LDLRAD3: variants seen among roughly 807,000 people sequenced by gnomAD.
The protein encoded by LDLRAD3 is low density lipoprotein receptor class A domain containing 3.
Under a neutral mutation model 29.4 loss-of-function variants are expected in LDLRAD3, and 20 were observed. The observed-to-expected ratio is 0.68, with a 90% CI of 0.48 to 0.99. The LOEUF is 0.99. LDLRAD3 is among the 50% of genes least tolerant of loss of function. The pLI is 0.00. For missense variants in LDLRAD3, 420 were observed against 454.3 expected (o/e 0.92, Z 0.69); for synonymous variants, 157 against 192.7 (o/e 0.81, Z 1.53).
At chr11:36,081,901 C>T in intron 3 of LDLRAD3, 123 bp downstream of exon 3, 1 of 1,159,636 alleles carries the variant, frequency 8.6e-7, no homozygotes, top group Non-Finnish European at 1.2e-6. Context: ...TCTTCTGTTA[C>T]CCAGATTCTG....
chr11:36,000,715 T>C (rs571264283), intron 1 of LDLRAD3, among the ~76,000 whole-genome samples: 20 of 152,226 alleles, frequency 1.3e-4, no homozygotes, highest in African/African-American at 4.6e-4. Context: ...GGTGGAACCT[T>C]GGTCATGCAG....
chr11:36,043,918 G>A (rs1176534110), intron 2 of LDLRAD3, among the ~76,000 whole-genome samples: 3 of 152,154 alleles, frequency 2.0e-5, no homozygotes, highest in Admixed American at 6.5e-5. Flanking sequence ...CTTTCACAGC[G>A]CTTACGGTGT....
At chr11:36,050,228 A>C (rs1433745187) in intron 2 of LDLRAD3, among the ~76,000 whole-genome samples, 1 of 152,204 alleles carries the variant, frequency 6.6e-6, no homozygotes, top group African/African-American at 2.4e-5. Context: ...CATTTTAGCC[A>C]ATGACAAGTG....
At chr11:36,035,947 T>C (rs1160471315) in intron 1 of LDLRAD3, among the ~76,000 whole-genome samples, 156 bp from the exon 2 acceptor site, 1 of 152,052 alleles carries the variant, frequency 6.6e-6, no homozygotes, top group East Asian at 1.9e-4. Context: ...CTGGGGCAGA[T>C]TATTAGTCCA....
intron 1 of LDLRAD3, among the ~76,000 whole-genome samples, chr11:35,962,584 A>G (rs993536796): frequency 6.6e-6 from 1 of 152,176 alleles, no homozygotes; most frequent in Non-Finnish European, 1.5e-5. Flanking sequence ...GACCACCTCC[A>G]GTTTAATGAG....
chr11:35,974,625 G>C (rs1851454127), intron 1 of LDLRAD3, among the ~76,000 whole-genome samples: 1 of 152,208 alleles, frequency 6.6e-6, no homozygotes, highest in Non-Finnish European at 1.5e-5. Context: ...CCAGATTAAA[G>C]GCCTCATTTT....
At chr11:35,966,469 G>A (rs532161672) in intron 1 of LDLRAD3, among the ~76,000 whole-genome samples, 52 of 152,292 alleles carry the variant, frequency 3.4e-4, no homozygotes, top group African/African-American at 1.1e-3. Flanking sequence ...CTTTAAAAAT[G>A]TGTACATAAA....
intron 4 of LDLRAD3, among the ~76,000 whole-genome samples, chr11:36,218,561 A>G (rs539062047): frequency 8.5e-5 from 13 of 152,354 alleles, no homozygotes; most frequent in African/African-American, 3.1e-4. Context: ...ACGTGAGGTT[A>G]AGAGGCTGGA....
intron 1 of LDLRAD3, among the ~76,000 whole-genome samples, chr11:36,006,498 A>C (rs1590201619): frequency 5.9e-5 from 9 of 151,966 alleles, no homozygotes; most frequent in Admixed American, 5.9e-4. Flanking sequence ...ATGGTGGTTC[A>C]CCCTCCCCGA....
intron 4 of LDLRAD3, among the ~76,000 whole-genome samples, chr11:36,198,825 T>A (rs1361934635): frequency 1.4e-4 from 21 of 152,238 alleles, no homozygotes; most frequent in Admixed American, 1.4e-3. Flanking sequence ...TCAACATTTA[T>A]GGGCTTATCT....
At chr11:35,953,300 T>G (rs76020096) in intron 1 of LDLRAD3, among the ~76,000 whole-genome samples, 2,471 of 152,308 alleles carry the variant, frequency 0.016, 66 homozygotes, top group African/African-American at 0.057. Context: ...GGAACAGGCC[T>G]TGGGCATCCG....
At chr11:36,205,639 A>C (rs1855196152) in intron 4 of LDLRAD3, among the ~76,000 whole-genome samples, 1 of 152,226 alleles carries the variant, frequency 6.6e-6, no homozygotes, top group African/African-American at 2.4e-5. Context: ...GCCTCAGAAT[A>C]GCTCCATTTG....
intron 2 of LDLRAD3, among the ~76,000 whole-genome samples, chr11:36,066,240 T>A (rs183249980): frequency 1.3e-5 from 2 of 152,020 alleles, no homozygotes; most frequent in African/African-American, 4.8e-5. Context: ...AGTTGGATGA[T>A]ACCTTTACTG....
chr11:36,077,462 C>CCA (rs1030019595), intron 2 of LDLRAD3, among the ~76,000 whole-genome samples: 40 of 152,206 alleles, frequency 2.6e-4, no homozygotes, highest in South Asian at 2.1e-4. Context: ...CGTTCGGCTC[C>CCA]CACTACCAGC....
intron 1 of LDLRAD3, among the ~76,000 whole-genome samples, chr11:35,998,566 G>A (rs986449527): frequency 9.2e-5 from 14 of 152,178 alleles, no homozygotes; most frequent in African/African-American, 2.7e-4. Context: ...GTCCTAGAAT[G>A]AACCTCTGGA....
chr11:36,133,207 C>CTTTTTTTTTTTTTTTTTTTTT (rs60402803), intron 4 of LDLRAD3, among the ~76,000 whole-genome samples: 4 of 146,564 alleles, frequency 2.7e-5, no homozygotes, highest in Admixed American at 1.3e-4. Context: ...TTTCTTTTTT[C>CTTTTTTTTTTTTTTTTTTTTT]TTTTTTTTAG....
intron 2 of LDLRAD3, among the ~76,000 whole-genome samples, chr11:36,063,126 A>G (rs559844704): frequency 4.1e-4 from 62 of 152,236 alleles, no homozygotes; most frequent in African/African-American, 1.4e-3. Flanking sequence ...ACAAATGTAA[A>G]CTTCAAACTT....
chr11:36,140,992 T>TTCTTTCTCTCTCTCTCTC (rs1279929124), intron 4 of LDLRAD3, among the ~76,000 whole-genome samples: 47 of 110,042 alleles, frequency 4.3e-4, no homozygotes, highest in African/African-American at 1.4e-3. Flanking sequence ...CTGTTGAGCT[T>TTCTTTCTCTCTCTCTCTC]TCTCTCTCTC....
At chr11:35,984,685 G>A (rs1366249752) in intron 1 of LDLRAD3, among the ~76,000 whole-genome samples, 1 of 152,012 alleles carries the variant, frequency 6.6e-6, no homozygotes, top group African/African-American at 2.4e-5. Context: ...AGGCTGGAGT[G>A]CAATGATGTG....
Sources: allele counts gnomAD v4.1 joint callset (sites outside exome capture counted in the v4.1 genomes callset), GRCh38; gene constraint gnomAD v4.1.1; transcripts MANE v1.5; gene names NCBI Gene and HGNC (gene_info 2026-07-23, HGNC 2026-07-21).